The following CDH13 variants were observed in gnomAD, a reference collection of about 807,000 sequenced individuals.
CDH13 encodes the protein cadherin 13.
CDH13 carries 24 observed loss-of-function variants against 63.8 expected under a neutral mutation model. The observed-to-expected ratio is 0.38, with a 90% CI of 0.27 to 0.53. The LOEUF is 0.53. CDH13 is among the 20% of genes least tolerant of loss of function. The probability of loss-of-function intolerance (pLI) is 0.85; values close to 1 mark genes in which losing one functional copy is unlikely to be tolerated. For synonymous variants in CDH13, 503 were observed against 355.3 expected (o/e 1.42, Z -4.67); for missense variants, 1,049 against 903.1 (o/e 1.16, Z -2.07).
chr16:82,844,493 C>G (rs1032044673), intron 1 of CDH13: 3 of 149,374 alleles, frequency 2.0e-5, no homozygotes, highest in Non-Finnish European at 4.5e-5. Context: ...CCCAGCTACT[C>G]GGGAGGCTGA....
chr16:83,636,933 C>G (rs2150803533), intron 8 of CDH13, among the ~76,000 whole-genome samples: 1 of 152,270 alleles, frequency 6.6e-6, no homozygotes, highest in East Asian at 1.9e-4. Context: ...AATTTTTTGA[C>G]TTTTGAACAA....
chr16:83,173,151 C>G (rs1056689716), intron 4 of CDH13, among the ~76,000 whole-genome samples: 1 of 152,072 alleles, frequency 6.6e-6, no homozygotes, highest in Non-Finnish European at 1.5e-5. Context: ...AGACTGGTGC[C>G]ATGACTATGC....
intron 2 of CDH13, among the ~76,000 whole-genome samples, chr16:82,971,249 G>A (rs2151369128): frequency 6.6e-6 from 1 of 152,310 alleles, no homozygotes; most frequent in Admixed American, 6.5e-5. Context: ...ATTGACAGCT[G>A]ATTTGATAAC....
At chr16:82,663,863 G>A (rs1234663553) in intron 1 of CDH13, among the ~76,000 whole-genome samples, 1 of 152,152 alleles carries the variant, frequency 6.6e-6, no homozygotes, top group East Asian at 1.9e-4. Context: ...TGTGAATATA[G>A]CGTGGGCTTT....
At chr16:83,371,901 C>CAG (rs2151400483) in intron 6 of CDH13, among the ~76,000 whole-genome samples, 1 of 151,914 alleles carries the variant, frequency 6.6e-6, no homozygotes, top group South Asian at 2.1e-4. Context: ...GAACATTGTC[C>CAG]AGAAAAAAAA....
At chr16:83,176,841 C>T (rs2038145777) in intron 4 of CDH13, among the ~76,000 whole-genome samples, 1 of 152,134 alleles carries the variant, frequency 6.6e-6, no homozygotes, top group African/African-American at 2.4e-5. Context: ...CTCTGTTGAG[C>T]CTGGGTCTTA....
At chr16:83,015,724 A>ATATAGAG (rs1555562946) in intron 2 of CDH13, among the ~76,000 whole-genome samples, 1 of 49,096 alleles carries the variant, frequency 2.0e-5, no homozygotes, top group African/African-American at 6.1e-5. Flanking sequence ...TATATATATA[A>ATATAGAG]AGAAAAAGCA....
intron 7 of CDH13, among the ~76,000 whole-genome samples, chr16:83,498,221 G>A (rs2074193208): frequency 6.6e-6 from 1 of 152,174 alleles, no homozygotes; most frequent in South Asian, 2.1e-4. Flanking sequence ...TTTCCCAGAT[G>A]AGGGGCACTC....
chr16:83,159,009 C>T (rs989501541), intron 4 of CDH13, among the ~76,000 whole-genome samples: 1 of 152,198 alleles, frequency 6.6e-6, no homozygotes, highest in African/African-American at 2.4e-5. Flanking sequence ...ATTTGGTTTC[C>T]AAATTTATTT....
At chr16:82,921,528 A>T (rs531782903) in intron 2 of CDH13, among the ~76,000 whole-genome samples, 1 of 152,322 alleles carries the variant, frequency 6.6e-6, no homozygotes, top group East Asian at 1.9e-4. Flanking sequence ...ATTTAATTCA[A>T]TCACATATGC....
intron 6 of CDH13, among the ~76,000 whole-genome samples, chr16:83,468,425 C>G (rs923110912): frequency 3.3e-5 from 5 of 152,198 alleles, no homozygotes; most frequent in African/African-American, 1.2e-4. Context: ...CCCGCCCACA[C>G]CTTGACTTCT....
At chr16:83,469,766 C>T (rs2073408871) in intron 6 of CDH13, among the ~76,000 whole-genome samples, 1 of 152,132 alleles carries the variant, frequency 6.6e-6, no homozygotes, top group African/African-American at 2.4e-5. Flanking sequence ...GCATTGTTTG[C>T]AACACGTAGG....
chr16:82,833,985 C>A (rs1411407852), intron 1 of CDH13, among the ~76,000 whole-genome samples: 2 of 152,136 alleles, frequency 1.3e-5, no homozygotes, highest in African/African-American at 4.8e-5. Flanking sequence ...GTCTCTGAAC[C>A]CAATCAGGTT....
intron 6 of CDH13, among the ~76,000 whole-genome samples, chr16:83,356,159 C>T (rs1342850939): frequency 1.3e-5 from 2 of 150,792 alleles, no homozygotes; most frequent in Non-Finnish European, 2.9e-5. Context: ...AAGTTGCTAC[C>T]TTAAATGTAA....
intron 5 of CDH13, among the ~76,000 whole-genome samples, chr16:83,228,124 C>G (rs1479433388): frequency 2.0e-5 from 3 of 152,178 alleles, no homozygotes; most frequent in African/African-American, 4.8e-5. Flanking sequence ...GAGTGCTGTC[C>G]TTATCTCTCA....
intron 2 of CDH13, among the ~76,000 whole-genome samples, chr16:82,877,049 C>T (rs1282369323): frequency 3.3e-5 from 5 of 152,182 alleles, no homozygotes; most frequent in African/African-American, 4.8e-5. Context: ...TATGAGAACT[C>T]ACTTCCATAA....
intron 3 of CDH13, among the ~76,000 whole-genome samples, chr16:83,052,129 C>A (rs984575618): frequency 6.6e-6 from 1 of 152,120 alleles, no homozygotes; most frequent in African/African-American, 2.4e-5. Flanking sequence ...ATCCGTATGC[C>A]ATGTCCATAC....
In CDH13 at chr16:82,782,191, T is replaced by G. The variant is rs143316324; in HGVS notation, c.46-76171T>G. Among the ~76,000 whole-genome samples, 62 of 152,220 alleles carry G rather than the reference T, an allele frequency of 4.1e-4. No individual in the cohort carries two copies. In the East Asian group the frequency reaches 0.011, roughly 27 times the overall value. On this transcript the variant is annotated intron_variant, in intron 1 of 13. Transcript: ENST00000567109. Reference sequence around the variant, plus strand: ...TTAGGGCACCAGGCAGGAGCTGAAGTAGGGGCTCAGAAAGCCAATCACAAG... The same window carrying G: ...TTAGGGCACCAGGCAGGAGCTGAAGGAGGGGCTCAGAAAGCCAATCACAAG...
At chr16:82,908,212 T>A (rs2041712342) in intron 2 of CDH13, among the ~76,000 whole-genome samples, 1 of 152,244 alleles carries the variant, frequency 6.6e-6, no homozygotes, top group East Asian at 1.9e-4. Flanking sequence ...TTCCACAGGA[T>A]ATTGTCCCAT....
Sources: allele counts gnomAD v4.1 joint callset (sites outside exome capture counted in the v4.1 genomes callset), GRCh38; gene constraint gnomAD v4.1.1; transcripts MANE v1.5; gene names NCBI Gene and HGNC (gene_info 2026-07-23, HGNC 2026-07-21).